The following FHIT variants were observed in gnomAD, a reference collection of about 807,000 sequenced individuals.
The protein encoded by FHIT is bis(5'-adenosyl)-triphosphatase.
In FHIT, 19 loss-of-function variants were observed where a neutral mutation model predicts 17.9. That is an observed-to-expected ratio of 1.06 (90% confidence interval 0.74 to 1.56). FHIT has a LOEUF of 1.56. Among genes scored for constraint, FHIT ranks in the 40% most tolerant of loss-of-function variants. The probability of loss-of-function intolerance (pLI) is 0.00; values close to 1 mark genes in which losing one functional copy is unlikely to be tolerated. For missense variants in FHIT, 248 were observed against 189.2 expected (o/e 1.31, Z -1.82); for synonymous variants, 81 against 69.7 (o/e 1.16, Z -0.81).
chr3:60,382,697 AC>A (rs1700856129), intron 5 of FHIT, among the ~76,000 whole-genome samples: 1 of 152,032 alleles, frequency 6.6e-6, no homozygotes, highest in Admixed American at 6.6e-5. Flanking sequence ...AGGTTTTTTT[AC>A]CCCCACTTAG....
At chr3:60,576,100 G>A (rs74362662) in intron 4 of FHIT, among the ~76,000 whole-genome samples, 5,713 of 152,144 alleles carry the variant, frequency 0.038, 359 homozygotes, top group African/African-American at 0.13. Flanking sequence ...TCCAGGAGAC[G>A]CAAGACAGAG....
rs1406877909 is a variant in FHIT at position 60,511,997 on chromosome 3, G to A, written c.103+24863C>T. On this transcript the variant is annotated intron_variant, in intron 5 of 9. Coordinates refer to ENST00000492590, the MANE Select transcript of FHIT (RefSeq NM_002012.4). ...ACAAAAAGGGGCTAAAAAAATTGAG[G>A]AGAGGTAAAGTTCTTCCTTACAGAA... 5.3e-5 allele frequency among the ~76,000 whole-genome samples: 8 copies of A among 152,110 alleles called. No individual in the cohort carries two copies. In the South Asian group the frequency reaches 1.7e-3, roughly 32 times the overall value.
intron 5 of FHIT, among the ~76,000 whole-genome samples, chr3:60,518,621 A>G (rs1033676461): frequency 4.6e-5 from 7 of 152,346 alleles, no homozygotes; most frequent in Admixed American, 1.3e-4. Context: ...ATCCTGTACC[A>G]AAATATTTGT....
intron 7 of FHIT, among the ~76,000 whole-genome samples, chr3:59,936,169 C>T (rs1001753946): frequency 3.3e-5 from 5 of 152,296 alleles, no homozygotes; most frequent in East Asian, 3.9e-4. Flanking sequence ...GGTTCTCTCT[C>T]AGGAGAGAAG....
At chr3:59,774,458 G>A (rs531756168) in intron 8 of FHIT, among the ~76,000 whole-genome samples, 7 of 152,176 alleles carry the variant, frequency 4.6e-5, no homozygotes, top group Non-Finnish European at 1.0e-4. Context: ...TCACCTGCCT[G>A]TGCCTCAGTG....
chr3:61,041,188 G>T (rs2033494741), intron 3 of FHIT, among the ~76,000 whole-genome samples: 1 of 152,026 alleles, frequency 6.6e-6, no homozygotes, highest in Non-Finnish European at 1.5e-5. Context: ...ACCCCATCCT[G>T]GCCAACATGC....
Position 60,505,077 on chromosome 3 carries a change from A to G in FHIT, c.103+31783T>C, listed in dbSNP as rs184066974. ...TATTTTGGACATTTGTCAAAGATGT[A>G]TTTTTTTTCCTATTTAGATCATGAG... On this transcript the variant is annotated intron_variant, in intron 5 of 9. Coordinates refer to ENST00000492590, the MANE Select transcript of FHIT (RefSeq NM_002012.4). 6.2e-3 allele frequency among the ~76,000 whole-genome samples: 950 copies of G among 152,028 alleles called. 13 individuals are homozygous for G. The highest frequency in any genetic ancestry group is 0.031 in the East Asian group (158 of 5,168).
intron 1 of FHIT, among the ~76,000 whole-genome samples, chr3:61,204,202 G>A (rs1034112189): frequency 2.6e-5 from 4 of 152,128 alleles, no homozygotes; most frequent in African/African-American, 9.7e-5. Flanking sequence ...ATAAAGAAAG[G>A]GAAGAAATTT....
At chr3:60,466,131 T>A (rs1010187040) in intron 5 of FHIT, among the ~76,000 whole-genome samples, 1 of 152,048 alleles carries the variant, frequency 6.6e-6, no homozygotes, top group Admixed American at 6.6e-5. Context: ...TCCTAGGTAG[T>A]TGATTTGTAG....
intron 5 of FHIT, among the ~76,000 whole-genome samples, chr3:60,525,684 T>G (rs2035547198): frequency 6.6e-6 from 1 of 152,292 alleles, no homozygotes; most frequent in African/African-American, 2.4e-5. Context: ...AAATTTTATA[T>G]CCTATCAAGC....
intron 1 of FHIT, among the ~76,000 whole-genome samples, chr3:61,228,048 A>C (rs2040012620): frequency 6.6e-6 from 1 of 152,200 alleles, no homozygotes; most frequent in African/African-American, 2.4e-5. Context: ...GCTACTTTAA[A>C]GCAATACAGT....
At chr3:60,356,768 A>AAAC (rs1699680716) in intron 5 of FHIT, among the ~76,000 whole-genome samples, 1 of 144,218 alleles carries the variant, frequency 6.9e-6, no homozygotes, top group African/African-American at 2.9e-5. Flanking sequence ...AAAAAAAAAA[A>AAAC]AAAAAAAAAA....
chr3:59,963,158 T>C (rs1160409445), intron 7 of FHIT, among the ~76,000 whole-genome samples: 1 of 151,984 alleles, frequency 6.6e-6, no homozygotes, highest in Non-Finnish European at 1.5e-5. Flanking sequence ...CCCCAGCTAC[T>C]TGGGAGGCTG....
intron 8 of FHIT, among the ~76,000 whole-genome samples, chr3:59,908,746 G>A (rs1289142933): frequency 1.3e-5 from 2 of 151,954 alleles, no homozygotes; most frequent in African/African-American, 2.4e-5. Context: ...GACAGAAACG[G>A]CACTGAACTT....
chr3:60,362,085 A>G (rs1338537262), intron 5 of FHIT, among the ~76,000 whole-genome samples: 2 of 152,008 alleles, frequency 1.3e-5, no homozygotes, highest in Non-Finnish European at 2.9e-5. Context: ...AAAAAAAAAT[A>G]ATTTTATTGT....
At chr3:59,883,482 T>A (rs1434080938) in intron 8 of FHIT, among the ~76,000 whole-genome samples, 1 of 152,176 alleles carries the variant, frequency 6.6e-6, no homozygotes, top group African/African-American at 2.4e-5. Context: ...TATAAAACCA[T>A]CAGATTTCAG....
intron 5 of FHIT, among the ~76,000 whole-genome samples, chr3:60,281,442 G>A (rs572476035): frequency 1.3e-5 from 2 of 152,216 alleles, no homozygotes; most frequent in South Asian, 4.1e-4. Context: ...TTGCTACAAA[G>A]CTACAGCGAT....
At chr3:60,951,855 T>TC (rs1388469219) in intron 3 of FHIT, among the ~76,000 whole-genome samples, 1 of 152,148 alleles carries the variant, frequency 6.6e-6, no homozygotes, top group African/African-American at 2.4e-5. Context: ...AAGGTCTCTT[T>TC]GAGTGGGGCA....
chr3:60,570,843 C>T (rs2037352810), intron 4 of FHIT, among the ~76,000 whole-genome samples: 1 of 150,686 alleles, frequency 6.6e-6, no homozygotes. Context: ...CCACTACTGT[C>T]AACACAAAAA....
Sources: gnomAD v4.1 joint callset for allele counts (sites outside exome capture counted in the v4.1 genomes callset) on GRCh38, gnomAD v4.1.1 for gene constraint, MANE v1.5 for transcripts, NCBI Gene and HGNC (gene_info 2026-07-23, HGNC 2026-07-21) for gene names.